The following ZNF469 variants were observed in gnomAD, a reference collection of about 807,000 sequenced individuals.
The protein encoded by ZNF469 is zinc finger protein 469.
ZNF469 carries 1 observed loss-of-function variant against 1.0 expected under a neutral mutation model. The ratio of observed to expected loss-of-function variants is 1.00; its 90% CI spans 0.35 to 4.73. The LOEUF (loss-of-function observed/expected upper bound fraction) is 4.73. Among genes scored for constraint, ZNF469 ranks in the 30% most tolerant of loss-of-function variants. ZNF469 has a pLI of 0.16. For synonymous variants in ZNF469, 2,703 were observed against 2,363.4 expected (o/e 1.14, Z -4.17); for missense variants, 6,100 against 5,356.3 (o/e 1.14, Z -4.33).
chr16:88,332,452 G>A, the ZNF469 span, among the ~76,000 whole-genome samples: 5 of 152,332 alleles, frequency 3.3e-5, no homozygotes, highest in Middle Eastern at 3.4e-3. Context: ...GCACCGCCAC[G>A]CTTGGGCACA....
chr16:88,193,888 T>C, the ZNF469 span, among the ~76,000 whole-genome samples: 1 of 152,196 alleles, frequency 6.6e-6, no homozygotes, highest in South Asian at 2.1e-4. Context: ...GGGGGCTTTC[T>C]AGGGCCTTTT....
At position 88,429,599 on chromosome 16, in the gene ZNF469, C is replaced by G. The variant is rs1267768382; in HGVS notation, c.2129C>G (p.Pro710Arg). Residue 710 changes from proline (P) to arginine (R), a missense_variant, in exon 3 of 3, where the codon CCT becomes CGT. Physicochemically the swap from Pro to Arg is moderately radical, Grantham distance 103 (BLOSUM62 -2). Transcript: ENST00000565624. ...CTGCAGGGCTTCCCCCGTGCGCCGC[C>G]TCCGTACCCCACACACCACTTCTCC... ...GGLQGFPRAP[P>R]PYPTHHFSLS... is the part of the protein sequence containing the mutation. 2.6e-6 allele frequency: 4 copies of G among 1,549,078 alleles called. No individual in the cohort carries two copies. In the African/African-American group the frequency reaches 5.5e-5, roughly 21 times the overall value.
the ZNF469 span, among the ~76,000 whole-genome samples, chr16:88,305,017 G>C: frequency 6.6e-6 from 1 of 152,128 alleles, no homozygotes; most frequent in Non-Finnish European, 1.5e-5. Context: ...GAGCCTACTG[G>C]AAGCTAGAGC....
chr16:88,317,514 C>G, the ZNF469 span, among the ~76,000 whole-genome samples: 35 of 152,182 alleles, frequency 2.3e-4, no homozygotes, highest in Admixed American at 1.3e-4. Context: ...TCCAGGAGAC[C>G]CTTCCCTGGG....
the ZNF469 span, among the ~76,000 whole-genome samples, chr16:88,202,133 G>A: frequency 1.3e-5 from 2 of 152,202 alleles, no homozygotes; most frequent in African/African-American, 4.8e-5. Flanking sequence ...CGTCTGTGGT[G>A]TGAGGCATGG....
At position 88,432,784 on chromosome 16, in the gene ZNF469, C is replaced by A. The variant is rs768236457; in HGVS notation, c.5314C>A (p.Gln1772Lys). ...EDSLRLLPCE[Q>K]RGGFLPEPGT... ...CTCCCTGCGGCTGCTTCCCTGTGAA[C>A]AGAGAGGAGGGTTCCTCCCAGAGCC... Residue 1772 changes from glutamine to lysine, a missense_variant, in exon 3 of 3, where the codon CAG (glutamine) becomes AAG (lysine). Coordinates refer to ENST00000565624, the MANE Select transcript of ZNF469 (RefSeq NM_001367624.2). The A allele has an allele frequency of 1.9e-6, 3 of 1,550,286 alleles. No homozygotes were observed. Among genetic ancestry groups the A allele is most frequent in the Non-Finnish European group, 2.6e-6 (3 of 1,146,998 alleles).
the ZNF469 span, among the ~76,000 whole-genome samples, chr16:88,368,083 G>A: frequency 2.0e-5 from 3 of 152,254 alleles, no homozygotes; most frequent in Admixed American, 1.3e-4. Context: ...TAATAGCAGC[G>A]AGGGCAGAGA....
intron 1 of ZNF469, among the ~76,000 whole-genome samples, chr16:88,423,828 G>A (rs1905587155): frequency 2.0e-5 from 3 of 152,224 alleles, no homozygotes; most frequent in Admixed American, 2.0e-4. Context: ...AGTGTGCAAG[G>A]AGGAAGCTGC....
the ZNF469 span, among the ~76,000 whole-genome samples, chr16:88,182,886 C>G: frequency 3.3e-5 from 5 of 152,130 alleles, no homozygotes; most frequent in African/African-American, 1.2e-4. Flanking sequence ...AAAAAACTGA[C>G]AAACTGAACT....
At chr16:88,401,727 ATGGGTG>A (rs1904874348) in intron 1 of ZNF469, among the ~76,000 whole-genome samples, 4 of 137,418 alleles carry the variant, frequency 2.9e-5, no homozygotes, top group Non-Finnish European at 6.2e-5. Context: ...GGATGGGTGG[ATGGGTG>A]GATGGATGGG....
At chr16:88,413,240 A>G (rs563094282) in intron 1 of ZNF469, among the ~76,000 whole-genome samples, 1 of 152,354 alleles carries the variant, frequency 6.6e-6, no homozygotes, top group Non-Finnish European at 1.5e-5. Context: ...AAGAAGGCAG[A>G]GCAGCAGGAA....
At chr16:88,408,503 T>G (rs1016574575) in intron 1 of ZNF469, among the ~76,000 whole-genome samples, 45 of 152,140 alleles carry the variant, frequency 3.0e-4, no homozygotes, top group Admixed American at 2.8e-3. Flanking sequence ...GAAACAAAGT[T>G]GGAAGGAGAA....
the ZNF469 span, among the ~76,000 whole-genome samples, chr16:88,110,570 G>C: frequency 6.6e-6 from 1 of 152,244 alleles, no homozygotes; most frequent in African/African-American, 2.4e-5. Context: ...GCAGCCTCCT[G>C]ACTTCAGGCC....
chr16:88,291,295 C>G, the ZNF469 span, among the ~76,000 whole-genome samples: 4 of 152,222 alleles, frequency 2.6e-5, no homozygotes, highest in Non-Finnish European at 5.9e-5. Flanking sequence ...AGGGGCTCGG[C>G]TGCTGCACAT....
upstream of ZNF469, among the ~76,000 whole-genome samples, chr16:88,380,783 CACACACAT>C (rs2142256427): frequency 7.7e-6 from 1 of 130,596 alleles, no homozygotes; most frequent in Admixed American, 7.0e-5. Context: ...CACATGCACT[CACACACAT>C]GCACTCACAC....
chr16:88,255,583 A>T, the ZNF469 span, among the ~76,000 whole-genome samples: 2 of 152,238 alleles, frequency 1.3e-5, no homozygotes, highest in Non-Finnish European at 2.9e-5. Context: ...ATTCCAGCTT[A>T]TAAACCTACA....
the ZNF469 span, among the ~76,000 whole-genome samples, chr16:88,289,586 T>C: frequency 3.9e-5 from 6 of 152,330 alleles, no homozygotes; most frequent in South Asian, 4.1e-4. Flanking sequence ...CCATGAGCAA[T>C]GAGTGTTATT....
Position 88,435,223 on chromosome 16 carries a change from G to A in ZNF469, c.7753G>A (p.Val2585Met). The A allele has an allele frequency of 6.4e-7, 1 of 1,550,390 alleles. No homozygotes were observed. Among genetic ancestry groups the A allele is most frequent in the Non-Finnish European group, 8.7e-7 (1 of 1,146,998 alleles). Reference protein sequence around the residue: ...PPSPTEHEVDVKTPASKPRPD... With the variant: ...PPSPTEHEVDMKTPASKPRPD... ...AAGCCCTACTGAGCATGAGGTAGATGTGAAGACTCCGGCCTCCAAGCCCAG... is the reference window on the plus strand; with the variant it reads ...AAGCCCTACTGAGCATGAGGTAGATATGAAGACTCCGGCCTCCAAGCCCAG... The change falls in exon 3 of 3, where the codon GTG (valine) becomes ATG (methionine). Residue 2585 changes from valine to methionine, a missense_variant. Physicochemically the swap from Val to Met is conservative, Grantham distance 21 (BLOSUM62 1). Transcript: ENST00000565624.
At chr16:88,265,005 G>T in the ZNF469 span, among the ~76,000 whole-genome samples, 1 of 152,050 alleles carries the variant, frequency 6.6e-6, no homozygotes, top group Non-Finnish European at 1.5e-5. Flanking sequence ...TTTCTTCGAG[G>T]ATTTCCTCTG....
Sources: gnomAD v4.1 joint callset for allele counts (sites outside exome capture counted in the v4.1 genomes callset) on GRCh38, gnomAD v4.1.1 for gene constraint, MANE v1.5 for transcripts, NCBI Gene and HGNC (gene_info 2026-07-23, HGNC 2026-07-21) for gene names.